PATJ: variants seen among roughly 807,000 people sequenced by gnomAD.
PATJ encodes the protein inaD-like protein.
In PATJ, 190 loss-of-function variants were observed where a neutral mutation model predicts 224.9. The observed-to-expected ratio is 0.84, with a 90% CI of 0.75 to 0.95. The LOEUF (loss-of-function observed/expected upper bound fraction) is 0.95. PATJ is among the 40% of genes least tolerant of loss of function. The pLI, the probability that PATJ is intolerant of heterozygous loss-of-function variation, is 0.00. For synonymous variants in PATJ, 769 were observed against 820.3 expected, an observed-to-expected ratio of 0.94 and a Z score of 1.07; for missense variants, 2,121 against 2,270.3, an observed-to-expected ratio of 0.93 and a Z score of 1.34.
chr1:61,912,860 A>G (rs1044640711), intron 25 of PATJ, among the ~76,000 whole-genome samples: 1 of 152,148 alleles, frequency 6.6e-6, no homozygotes, highest in African/African-American at 2.4e-5. Flanking sequence ...CTTGTCAGGG[A>G]GGCAAAGTGT....
chr1:61,923,522 T>C (rs1045471859), intron 26 of PATJ, among the ~76,000 whole-genome samples: 1 of 152,116 alleles, frequency 6.6e-6, no homozygotes, highest in African/African-American at 2.4e-5. Context: ...CTCCTTAATA[T>C]AAAAGCAAGA....
At chr1:61,996,077 T>A (rs889163157) in intron 28 of PATJ, among the ~76,000 whole-genome samples, 1 of 152,238 alleles carries the variant, frequency 6.6e-6, no homozygotes, top group Non-Finnish European at 1.5e-5. Flanking sequence ...ATTCCCTTTG[T>A]ATCATTCACC....
At chr1:61,987,466 G>T (rs1207660832) in intron 27 of PATJ, among the ~76,000 whole-genome samples, 6 of 151,896 alleles carry the variant, frequency 4.0e-5, no homozygotes, top group Admixed American at 2.6e-4. Context: ...GTTTCATGTT[G>T]TTTTCTTAGC....
At chr1:61,958,657 G>A (rs1301194945) in intron 27 of PATJ, among the ~76,000 whole-genome samples, 1 of 152,122 alleles carries the variant, frequency 6.6e-6, no homozygotes, top group Non-Finnish European at 1.5e-5. Context: ...AATACATGTT[G>A]AATTTTGATT....
intron 42 of PATJ, among the ~76,000 whole-genome samples, chr1:62,149,181 G>A (rs1022881403): frequency 7.7e-5 from 5 of 64,526 alleles, no homozygotes; most frequent in Admixed American, 5.6e-4. Flanking sequence ...TTAAAGATGC[G>A]AATTCCCAGG....
chr1:61,760,485 G>A (rs1645902366), intron 1 of PATJ, among the ~76,000 whole-genome samples: 1 of 152,024 alleles, frequency 6.6e-6, no homozygotes, highest in Non-Finnish European at 1.5e-5. Context: ...CATAGCAAAG[G>A]GTTTTGCTAG....
At chr1:62,006,998 T>G (rs1427128275) in intron 28 of PATJ, among the ~76,000 whole-genome samples, 3 of 152,190 alleles carry the variant, frequency 2.0e-5, no homozygotes, top group Non-Finnish European at 4.4e-5. Flanking sequence ...AACACAATGG[T>G]AAATATTTTT....
At chr1:61,973,961 T>A (rs1368540222) in intron 27 of PATJ, among the ~76,000 whole-genome samples, 7 of 151,932 alleles carry the variant, frequency 4.6e-5, no homozygotes, top group Non-Finnish European at 1.0e-4. Flanking sequence ...TTAGTGTTCT[T>A]AGTGTGCATA....
intron 1 of PATJ, among the ~76,000 whole-genome samples, 194 bp downstream of exon 1, chr1:61,742,749 G>A (rs1249494500): frequency 6.6e-6 from 1 of 150,828 alleles, no homozygotes; most frequent in Non-Finnish European, 1.5e-5. Flanking sequence ...AGGGGCCGCG[G>A]CGAGGATGGG....
At chr1:62,040,752 G>C (rs532161521) in intron 30 of PATJ, among the ~76,000 whole-genome samples, 1 of 152,256 alleles carries the variant, frequency 6.6e-6, no homozygotes, top group African/African-American at 2.4e-5. Flanking sequence ...TCTAGATGCA[G>C]TAGAAGCCAC....
chr1:61,763,897 G>T (rs1430843487), intron 3 of PATJ, among the ~76,000 whole-genome samples: 1 of 152,046 alleles, frequency 6.6e-6, no homozygotes, highest in Admixed American at 6.6e-5. Context: ...GCCTCAAGCA[G>T]TCCTCCTACC....
At chr1:61,894,285 G>C (rs761010006) in intron 22 of PATJ, among the ~76,000 whole-genome samples, 69 of 150,236 alleles carry the variant, frequency 4.6e-4, no homozygotes, top group African/African-American at 1.5e-3. Flanking sequence ...AAAAAAAACA[G>C]AGAATTCTAA....
chr1:62,098,298 G>A (rs1364266969), intron 33 of PATJ, among the ~76,000 whole-genome samples: 1 of 150,722 alleles, frequency 6.6e-6, no homozygotes, highest in Non-Finnish European at 1.5e-5. Flanking sequence ...GGTGGAGCTT[G>A]CAGTGAGCCG....
At chr1:61,921,156 G>A (rs936312808) in intron 26 of PATJ, among the ~76,000 whole-genome samples, 2 of 151,920 alleles carry the variant, frequency 1.3e-5, no homozygotes, top group Admixed American at 1.3e-4. Context: ...CACCCCATTA[G>A]GAAAAAAGAC....
intron 1 of PATJ, among the ~76,000 whole-genome samples, chr1:61,744,802 A>G (rs1644942320): frequency 6.6e-6 from 1 of 152,172 alleles, no homozygotes; most frequent in Non-Finnish European, 1.5e-5. Context: ...TCTGATGCCA[A>G]TCACAAGTCC....
chr1:61,748,610 A>T (rs2148160804), intron 1 of PATJ, among the ~76,000 whole-genome samples: 1 of 152,196 alleles, frequency 6.6e-6, no homozygotes, highest in East Asian at 1.9e-4. Flanking sequence ...CTCCTCCCTT[A>T]TACTCACTAC....
chr1:61,914,792 A>G, intron 26 of PATJ, 128 bp downstream of exon 26: 3 of 488,952 alleles, frequency 6.1e-6, no homozygotes, highest in South Asian at 5.0e-5. Context: ...TATATTTATA[A>G]TTTTTTTCCC....
Position 62,084,571 on chromosome 1 carries a change from C to T in PATJ, c.4300C>T (p.Gln1434Ter), listed in dbSNP as rs1238748567. The T allele has an allele frequency of 1.2e-6, 2 of 1,613,290 alleles. No homozygotes were observed. The highest frequency in any genetic ancestry group is 1.7e-5 in the Admixed American group (1 of 59,910). Residue 1434 changes from glutamine to a stop codon, truncating the protein, a stop_gained, in exon 33 of 44, where the codon CAG becomes TAG. Transcript: ENST00000642238. LOFTEE classifies it high-confidence loss of function. ...DPATCPIVPG[Q>*]EMIIEISKGR... Reference sequence around the variant, plus strand: ...CGCAACGTGTCCCATTGTCCCTGGACAGGAAATGATTATAGAAATATCCAA... The same window carrying T: ...CGCAACGTGTCCCATTGTCCCTGGATAGGAAATGATTATAGAAATATCCAA...
At chr1:61,909,005 A>G (rs544280658) in intron 25 of PATJ, among the ~76,000 whole-genome samples, 5 of 152,230 alleles carry the variant, frequency 3.3e-5, no homozygotes, top group South Asian at 2.1e-4. Context: ...TTTGAGATGG[A>G]GTCTTGCTCT....
Sources: gnomAD v4.1 joint callset for allele counts (sites outside exome capture counted in the v4.1 genomes callset) on GRCh38, gnomAD v4.1.1 for gene constraint, MANE v1.5 for transcripts, NCBI Gene and HGNC (gene_info 2026-07-23, HGNC 2026-07-21) for gene names.